Variants in AREL1 observed in about 807,000 individuals in gnomAD.
The protein encoded by AREL1 is apoptosis resistant E3 ubiquitin protein ligase 1.
In AREL1, 62 loss-of-function variants were observed where a neutral mutation model predicts 99.0. The ratio of observed to expected loss-of-function variants is 0.63; its 90% confidence interval spans 0.51 to 0.77. The LOEUF is 0.77. AREL1 is among the 30% of genes least tolerant of loss of function. The pLI is 0.00. For synonymous variants in AREL1, 380 were observed against 376.5 expected (o/e 1.01, Z -0.11); for missense variants, 879 against 1,027.6 (o/e 0.86, Z 1.98).
At position 74,681,186 on chromosome 14, in the gene AREL1, A is replaced by C. The variant is rs2139908845; in HGVS notation, c.481+2110T>G. ...AGGTGACAGAGCAAGGCCCTGTCTC[A>C]AAAACAACAAAACATTCCTATACCA... On this transcript the variant is annotated intron_variant, in intron 5 of 19. Transcript: ENST00000356357. Among the ~76,000 whole-genome samples the C allele has an allele frequency of 2.0e-5, 3 of 152,238 alleles. No individual in the cohort carries two copies. The Middle Eastern group carries it at 0.01, about 518-fold the overall frequency.
intron 1 of AREL1, among the ~76,000 whole-genome samples, chr14:74,708,567 A>C (rs1351613182): frequency 6.6e-6 from 1 of 152,234 alleles, no homozygotes; most frequent in Non-Finnish European, 1.5e-5. Flanking sequence ...GGGTCTCTGG[A>C]TAAAAGCAAG....
intron 2 of AREL1, among the ~76,000 whole-genome samples, chr14:74,686,494 GTA>G (rs1381827282): frequency 1.3e-5 from 2 of 152,210 alleles, no homozygotes; most frequent in Non-Finnish European, 2.9e-5. Context: ...AGCACAGGCT[GTA>G]TATGCTATTT....
intron 11 of AREL1, chr14:74,672,147 C>A: frequency 3.2e-6 from 1 of 317,026 alleles, no homozygotes; most frequent in Non-Finnish European, 6.6e-6. Flanking sequence ...CGCTCTATTC[C>A]AGGGATTCAA....
chr14:74,683,652 C>T, intron 4 of AREL1, 119 bp from the exon 5 acceptor site: 1 of 812,538 alleles, frequency 1.2e-6, no homozygotes. Context: ...ATCCCAGTAC[C>T]TACCCTGTTC....
At chr14:74,686,083 T>C (rs2089741889) in intron 2 of AREL1, among the ~76,000 whole-genome samples, 1 of 152,100 alleles carries the variant, frequency 6.6e-6, no homozygotes, top group South Asian at 2.1e-4. Context: ...TAAGTAGAAA[T>C]AGCTATATAA....
intron 1 of AREL1, among the ~76,000 whole-genome samples, chr14:74,712,668 G>A (rs1201803050): frequency 6.6e-6 from 1 of 151,924 alleles, no homozygotes; most frequent in Admixed American, 6.6e-5. Context: ...ACCGAGAGGA[G>A]TACACGGTAT....
chr14:74,664,206 C>G, intron 18 of AREL1, 132 bp from the exon 19 acceptor site: 3 of 997,720 alleles, frequency 3.0e-6, no homozygotes, highest in Admixed American at 2.8e-5. Flanking sequence ...AGGGTAGGAA[C>G]AGTTTGACAA....
At chr14:74,708,728 C>T (rs2090229008) in intron 1 of AREL1, among the ~76,000 whole-genome samples, 4 of 152,210 alleles carry the variant, frequency 2.6e-5, no homozygotes. Context: ...CTCTGAAAAA[C>T]ATGATGCAAA....
rs1292130630 is a variant in AREL1 at position 74,713,074 on chromosome 14, G to A, written c.-475C>T. Reference sequence around the variant, plus strand: ...TCCACCCGGCCTGGGAACCGGCTCGGGGGATTGCCCTTTCCCCAAGGAGTT... The same window carrying A: ...TCCACCCGGCCTGGGAACCGGCTCGAGGGATTGCCCTTTCCCCAAGGAGTT... On this transcript the variant is annotated 5_prime_UTR_variant, in exon 1 of 20. Transcript: ENST00000356357. 2 of 1,585,482 alleles carry A rather than the reference G, an allele frequency of 1.3e-6. No homozygotes were observed. The highest frequency in any genetic ancestry group is 1.7e-5 in the Admixed American group (1 of 59,874).
chr14:74,665,257 A>G (rs1324037756), intron 17 of AREL1, among the ~76,000 whole-genome samples: 3 of 147,746 alleles, frequency 2.0e-5, no homozygotes, highest in African/African-American at 7.5e-5. Context: ...TTGCTCAGGT[A>G]TTTCTTTCTT....
chr14:74,703,106 C>T (rs1021726730), intron 1 of AREL1, among the ~76,000 whole-genome samples: 4 of 152,242 alleles, frequency 2.6e-5, no homozygotes, highest in Non-Finnish European at 2.9e-5. Context: ...CACCGCCTCA[C>T]TCCCAGTACC....
At position 74,685,596 on chromosome 14, in the gene AREL1, G is replaced by T. The variant is rs374979700; in HGVS notation, c.16+4C>A. On this transcript the variant is annotated splice_donor_region_variant and intron_variant, in intron 3 of 19. Transcript: ENST00000356357. Reference sequence around the variant, plus strand: ...TAATAGAGAGAGCTCTTTCCATAACGTACCAATAACGTAAAACATCAGGTC... The same window carrying T: ...TAATAGAGAGAGCTCTTTCCATAACTTACCAATAACGTAAAACATCAGGTC... 1 of 1,614,102 alleles carries T rather than the reference G, an allele frequency of 6.2e-7. No individual in the cohort carries two copies. Among genetic ancestry groups the T allele is most frequent in the African/African-American group, 1.3e-5 (1 of 75,042 alleles).
At position 74,664,932 on chromosome 14, in the gene AREL1, A is replaced by T. The variant is rs2089179391; in HGVS notation, c.2104-7T>A. ...CAGTCCCACACATCAGCAGCTGGAA[A>T]AAGATGGTAAGGTGTTACTATGACA... On this transcript the variant is annotated splice_polypyrimidine_tract_variant and splice_region_variant and intron_variant, in intron 17 of 19. Coordinates refer to ENST00000356357, the MANE Select transcript of AREL1 (RefSeq NM_001039479.2). The T allele has an allele frequency of 1.2e-6, 2 of 1,612,454 alleles. No individual in the cohort carries two copies. Among genetic ancestry groups the T allele is most frequent in the Non-Finnish European group, 8.5e-7 (1 of 1,178,882 alleles).
At chr14:74,680,330 A>G (rs2089602421) in intron 5 of AREL1, among the ~76,000 whole-genome samples, 1 of 152,244 alleles carries the variant, frequency 6.6e-6, no homozygotes, top group Admixed American at 6.5e-5. Flanking sequence ...ACTATTTAAG[A>G]AATGCAAATT....
In AREL1 at chr14:74,692,069, CCAAGTAGAGCA is replaced by C. The variant is rs1178941087; in HGVS notation, c.-85_-75del. 11 of 408,202 alleles carry C rather than the reference CCAAGTAGAGCA, an allele frequency of 2.7e-5. No individual in the cohort carries two copies. The highest frequency in any genetic ancestry group is 6.4e-5 in the African/African-American group (3 of 46,810). 25.3% of individuals were successfully genotyped at this position (408,202 alleles called of 1,614,324 possible). On this transcript the variant is annotated 5_prime_UTR_variant, in exon 2 of 20. Coordinates refer to ENST00000356357, the MANE Select transcript of AREL1 (RefSeq NM_001039479.2). ...TAAACGAGGGCCCATGTTCTGAGAACCAAGTAGAGCACTCCTATTCACCAAAGCAGGTAACT... is the reference window on the plus strand; with the variant it reads ...TAAACGAGGGCCCATGTTCTGAGAACCTCCTATTCACCAAAGCAGGTAACT...
intron 18 of AREL1, among the ~76,000 whole-genome samples, chr14:74,664,381 A>G (rs1234074999): frequency 6.8e-6 from 1 of 147,878 alleles, no homozygotes; most frequent in South Asian, 2.1e-4. Context: ...TTCCCCATGC[A>G]TCATTTTTTT....
intron 8 of AREL1, 105 bp downstream of exon 8, chr14:74,675,593 AT>A: frequency 6.8e-7 from 1 of 1,462,740 alleles, no homozygotes; most frequent in Non-Finnish European, 9.2e-7. Context: ...CTAGTTAACA[AT>A]CTTGCCCTGA....
At chr14:74,705,282 G>A (rs536533317) in intron 1 of AREL1, among the ~76,000 whole-genome samples, 12 of 152,174 alleles carry the variant, frequency 7.9e-5, no homozygotes, top group East Asian at 3.9e-4. Flanking sequence ...CAGGTGATTC[G>A]CCCACCTCAG....
intron 1 of AREL1, among the ~76,000 whole-genome samples, chr14:74,695,533 C>T (rs1018038377): frequency 9.9e-5 from 15 of 152,276 alleles, no homozygotes; most frequent in African/African-American, 3.4e-4. Context: ...AGTACCTCTA[C>T]TGAGCTTCAA....
Sources: gnomAD v4.1 joint callset for allele counts (sites outside exome capture counted in the v4.1 genomes callset) on GRCh38, gnomAD v4.1.1 for gene constraint, MANE v1.5 for transcripts, NCBI Gene and HGNC (gene_info 2026-07-23, HGNC 2026-07-21) for gene names.